Variants in LAMB4 observed in about 807,000 individuals in gnomAD.
LAMB4 encodes the protein laminin subunit beta 4, also known as laminin subunit beta-4.
LAMB4 carries 196 observed loss-of-function variants against 199.2 expected under a neutral mutation model. The observed-to-expected ratio is 0.98, with a 90% CI of 0.88 to 1.11. The LOEUF is 1.11. LAMB4 is among the 50% of genes least tolerant of loss of function. The pLI is 0.00. For missense variants in LAMB4, 2,080 were observed against 2,171.2 expected (o/e 0.96, Z 0.83); for synonymous variants, 744 against 770.6 (o/e 0.97, Z 0.57).
At chr7:108,093,879 A>G (rs1044484710) in intron 12 of LAMB4, among the ~76,000 whole-genome samples, 1 of 152,246 alleles carries the variant, frequency 6.6e-6, no homozygotes, top group African/African-American at 2.4e-5. Context: ...TTTGGACACA[A>G]TGCGACAAAG....
intron 6 of LAMB4, among the ~76,000 whole-genome samples, chr7:108,107,013 T>C (rs1206866709): frequency 6.6e-6 from 1 of 152,180 alleles, no homozygotes; most frequent in African/African-American, 2.4e-5. Flanking sequence ...TATTAATCAG[T>C]CATTTCCGGC....
chr7:108,098,664 T>C, intron 10 of LAMB4, 82 bp from the exon 11 acceptor site: 1 of 1,151,652 alleles, frequency 8.7e-7, no homozygotes, highest in East Asian at 2.5e-5. Context: ...TTACTCATGC[T>C]ATAACTATCT....
intron 1 of LAMB4, among the ~76,000 whole-genome samples, chr7:108,126,794 T>A (rs1413045141): frequency 1.9e-4 from 28 of 151,084 alleles, no homozygotes; most frequent in Non-Finnish European, 3.2e-4. Context: ...GGTCTCGATC[T>A]CCTGACCTCA....
rs1367621497 is a variant in LAMB4, at chr7:108,065,880, C to T, written c.2718G>A (p.Gln906=). The T allele has an allele frequency of 6.2e-7, 1 of 1,613,960 alleles. No homozygotes were observed. The highest frequency in any genetic ancestry group is 1.3e-5 in the African/African-American group (1 of 74,920). Residue 906 remains glutamine, a synonymous_variant, in exon 21 of 34, where the codon CAG becomes CAA. Coordinates refer to ENST00000388781, the MANE Select transcript of LAMB4 (RefSeq NM_007356.3). Reference sequence around the variant, plus strand: ...CTGGACACAGGCAAGGACGACAGGGCTGTCCTGAAGAAGGATTTCCATAGT... The same window carrying T: ...CTGGACACAGGCAAGGACGACAGGGTTGTCCTGAAGAAGGATTTCCATAGT... ...DGYYGNPSSG[Q]PCRPCLCPDD...
intron 21 of LAMB4, 148 bp from the exon 22 acceptor site, chr7:108,064,133 A>G: frequency 1.6e-6 from 1 of 630,196 alleles, no homozygotes; most frequent in Non-Finnish European, 2.9e-6. Context: ...AAGTGTTCTA[A>G]GTGAAACAAA....
rs763295360 is a variant in LAMB4 at position 108,043,881 on chromosome 7, C to G, written c.4342G>C (p.Glu1448Gln). ...TTGTTTTTGGAGACTTCTGCCTGTT[C>G]ACTTATACTTTCGATCTGGAATGAG... Reference protein sequence around the residue: ...GLKNQIESISEQAEVSKNNAL... With the variant: ...GLKNQIESISQQAEVSKNNAL... The change falls in exon 29 of 34, where the codon GAA (glutamate) becomes CAA (glutamine). Residue 1448 changes from glutamate to glutamine, a missense_variant. Physicochemically the swap from Glu to Gln is conservative, Grantham distance 29. Transcript: ENST00000388781. The G allele has an allele frequency of 1.3e-6, 2 of 1,599,836 alleles. No individual in the cohort carries two copies. The highest frequency in any genetic ancestry group is 1.4e-5 in the African/African-American group (1 of 73,876).
chr7:108,072,634 C>T (rs1324308284), intron 17 of LAMB4, among the ~76,000 whole-genome samples: 2 of 152,148 alleles, frequency 1.3e-5, no homozygotes. Context: ...GGACCTCTAA[C>T]CCCATGCTCT....
rs1053256591 is a variant in LAMB4, at chr7:108,092,336, C to T, written c.1550+1G>A. ...ATTGCTATAAAACTTATTTGACTTA[C>T]ACGTTAGAATAAGCACCTCCAATAT... is the stretch of plus-strand genomic sequence containing the variant. On this transcript the variant is annotated splice_donor_variant, in intron 13 of 33. Transcript: ENST00000388781. LOFTEE classifies it high-confidence loss of function. 21 of 1,609,138 alleles carry T rather than the reference C, an allele frequency of 1.3e-5. No homozygotes were observed. Among genetic ancestry groups the T allele is most frequent in the Non-Finnish European group, 1.7e-5 (20 of 1,175,708 alleles).
chr7:108,051,435 GAATA>G (rs1032995006), intron 26 of LAMB4, among the ~76,000 whole-genome samples: 2 of 152,120 alleles, frequency 1.3e-5, no homozygotes, highest in Admixed American at 1.3e-4. Flanking sequence ...GCTTAGGTGT[GAATA>G]AACTCAGTGA....
At chr7:108,062,571 CG>C (rs112906194) in intron 23 of LAMB4, 6,594 of 365,076 alleles carry the variant, frequency 0.018, 409 homozygotes, top group African/African-American at 0.12. Flanking sequence ...CTGAAGTAGG[CG>C]AAGCTGAACT....
chr7:108,120,623 T>A (rs967096251), intron 2 of LAMB4, among the ~76,000 whole-genome samples: 1 of 152,226 alleles, frequency 6.6e-6, no homozygotes, highest in Non-Finnish European at 1.5e-5. Flanking sequence ...TCATATTTTG[T>A]TTGTTTGCTT....
intron 6 of LAMB4, 131 bp downstream of exon 6, chr7:108,107,500 A>G: frequency 1.5e-6 from 1 of 661,446 alleles, no homozygotes; most frequent in Admixed American, 3.3e-5. Flanking sequence ...CAGTTTAGAC[A>G]CTTTCATTTT....
In LAMB4 at chr7:108,098,649, G is replaced by A; in HGVS notation, c.1181-67C>T. ...GTGGGAAGCCTGAAATATAAGCACG[G>A]CATTTTACTCATGCTATAACTATCT... On this transcript the variant is annotated intron_variant, in intron 10 of 33. Coordinates refer to ENST00000388781, the MANE Select transcript of LAMB4 (RefSeq NM_007356.3). 14 of 1,313,912 alleles carry A rather than the reference G, an allele frequency of 1.1e-5. No individual in the cohort carries two copies. The South Asian group carries it at 2.0e-4, about 19-fold the overall frequency. 81.4% of individuals were successfully genotyped at this position (1,313,912 alleles called of 1,614,324 possible).
chr7:108,077,552 G>A (rs1399716585), intron 16 of LAMB4, among the ~76,000 whole-genome samples: 1 of 152,122 alleles, frequency 6.6e-6, no homozygotes, highest in Admixed American at 6.5e-5. Flanking sequence ...AAGTTAGCCA[G>A]GCGTGGTGGA....
chr7:108,025,256 A>C (rs1244123230), intron 33 of LAMB4, among the ~76,000 whole-genome samples: 1 of 152,140 alleles, frequency 6.6e-6, no homozygotes, highest in African/African-American at 2.4e-5. Context: ...TAGCAGGTGA[A>C]GCTCCACGAA....
At chr7:108,102,876 T>C (rs1006185333) in intron 10 of LAMB4, among the ~76,000 whole-genome samples, 168 bp downstream of exon 10, 5 of 152,212 alleles carry the variant, frequency 3.3e-5, no homozygotes, top group African/African-American at 1.2e-4. Flanking sequence ...TCAACTTGTT[T>C]GCAGAAGGAT....
At chr7:108,031,943 G>C (rs1207831219) in intron 31 of LAMB4, among the ~76,000 whole-genome samples, 1 of 152,072 alleles carries the variant, frequency 6.6e-6, no homozygotes, top group Non-Finnish European at 1.5e-5. Context: ...GTTAGACATT[G>C]TCTCTTGTTT....
intron 5 of LAMB4, 133 bp from the exon 6 acceptor site, chr7:108,107,952 T>G (rs926174959): frequency 2.8e-6 from 2 of 703,224 alleles, no homozygotes; most frequent in East Asian, 5.7e-5. Context: ...TGTTTTGTTT[T>G]GTTTTTGAGA....
intron 30 of LAMB4, 106 bp downstream of exon 30, chr7:108,037,282 A>T (rs916476331): frequency 7.0e-6 from 6 of 854,996 alleles, no homozygotes; most frequent in Non-Finnish European, 1.1e-5. Flanking sequence ...AACTATCAGA[A>T]GGTAATTTCA....
Sources: gnomAD v4.1 joint callset for allele counts (sites outside exome capture counted in the v4.1 genomes callset) on GRCh38, gnomAD v4.1.1 for gene constraint, MANE v1.5 for transcripts, NCBI Gene and HGNC (gene_info 2026-07-23, HGNC 2026-07-21) for gene names.